Variants in ITGA9 observed in about 807,000 individuals in gnomAD.
The protein encoded by ITGA9 is integrin alpha-9.
In ITGA9, 56 loss-of-function variants were observed where a neutral mutation model predicts 127.8. The ratio of observed to expected loss-of-function variants is 0.44; its 90% CI spans 0.35 to 0.55. The LOEUF is 0.55. Among genes scored for constraint, ITGA9 ranks in the 20% least tolerant of loss-of-function variants. The pLI is 0.00. For synonymous variants in ITGA9, 508 were observed against 514.5 expected (o/e 0.99, Z 0.17); for missense variants, 1,196 against 1,347.1 (o/e 0.89, Z 1.76).
chr3:37,523,152 A>G (rs1378254160), intron 11 of ITGA9, among the ~76,000 whole-genome samples: 1 of 152,230 alleles, frequency 6.6e-6, no homozygotes, highest in Non-Finnish European at 1.5e-5. Context: ...ATGTTCTTAG[A>G]ATTTCAGCCA....
intron 8 of ITGA9, among the ~76,000 whole-genome samples, chr3:37,511,953 A>G (rs1348193866): frequency 9.1e-6 from 1 of 110,186 alleles, no homozygotes; most frequent in African/African-American, 2.8e-5. Flanking sequence ...TAAAAGAATA[A>G]TGCTTTTTCT....
chr3:37,668,947 A>G (rs1700611097), intron 17 of ITGA9, among the ~76,000 whole-genome samples: 1 of 151,978 alleles, frequency 6.6e-6, no homozygotes, highest in Non-Finnish European at 1.5e-5. Context: ...ACCTTGTAGA[A>G]AACCTCTAGA....
chr3:37,788,512 G>A (rs1034374276), intron 26 of ITGA9, among the ~76,000 whole-genome samples: 4 of 152,010 alleles, frequency 2.6e-5, no homozygotes, highest in African/African-American at 9.7e-5. Context: ...TTTAAGTAAG[G>A]TAGTATTATG....
intron 15 of ITGA9, among the ~76,000 whole-genome samples, chr3:37,590,310 C>T (rs1575159827): frequency 6.6e-6 from 1 of 152,258 alleles, no homozygotes; most frequent in Non-Finnish European, 1.5e-5. Flanking sequence ...CTTTATCCCG[C>T]TGAGCAGTGG....
intron 3 of ITGA9, among the ~76,000 whole-genome samples, chr3:37,478,208 C>T (rs1402988601): frequency 2.6e-5 from 4 of 152,178 alleles, no homozygotes; most frequent in Non-Finnish European, 5.9e-5. Context: ...CCCCACCACA[C>T]ACCATTCTTA....
At chr3:37,491,672 A>T (rs1312626758) in intron 4 of ITGA9, among the ~76,000 whole-genome samples, 1 of 151,850 alleles carries the variant, frequency 6.6e-6, no homozygotes, top group African/African-American at 2.4e-5. Flanking sequence ...CTCTGCGCCT[A>T]CCTCACTTCC....
chr3:37,595,454 G>A (rs1464655599), intron 15 of ITGA9, among the ~76,000 whole-genome samples: 1 of 152,214 alleles, frequency 6.6e-6, no homozygotes, highest in Non-Finnish European at 1.5e-5. Flanking sequence ...AACAGACTCT[G>A]AGTTGAGAAA....
intron 26 of ITGA9, among the ~76,000 whole-genome samples, chr3:37,792,150 G>T (rs1697119031): frequency 6.6e-6 from 1 of 152,130 alleles, no homozygotes; most frequent in Admixed American, 6.5e-5. Context: ...TGACCATCAA[G>T]AATTGAGAAA....
At chr3:37,716,083 C>T (rs1701132006) in intron 18 of ITGA9, among the ~76,000 whole-genome samples, 1 of 152,172 alleles carries the variant, frequency 6.6e-6, no homozygotes, top group African/African-American at 2.4e-5. Flanking sequence ...CTCACTGTCC[C>T]AATCAGGGAC....
chr3:37,797,903 T>G (rs1484235765), intron 26 of ITGA9, among the ~76,000 whole-genome samples: 2 of 152,060 alleles, frequency 1.3e-5, no homozygotes, highest in Non-Finnish European at 2.9e-5. Flanking sequence ...CAGGCTGGCT[T>G]GAGCTCCTGG....
chr3:37,611,787 A>C (rs1375417062), intron 15 of ITGA9, among the ~76,000 whole-genome samples: 2 of 151,604 alleles, frequency 1.3e-5, no homozygotes, highest in Non-Finnish European at 2.9e-5. Flanking sequence ...CTCAGGGCTC[A>C]TGAAGTGGCA....
At chr3:37,787,863 TG>T (rs1697060491) in intron 26 of ITGA9, among the ~76,000 whole-genome samples, 1 of 152,038 alleles carries the variant, frequency 6.6e-6, no homozygotes, top group African/African-American at 2.4e-5. Flanking sequence ...TGGTATCGAG[TG>T]GGGGAGGAAA....
intron 17 of ITGA9, among the ~76,000 whole-genome samples, chr3:37,671,765 A>G (rs1217688061): frequency 1.3e-5 from 2 of 152,176 alleles, no homozygotes; most frequent in South Asian, 2.1e-4. Flanking sequence ...GTTAATAACC[A>G]TATGGATCTG....
chr3:37,517,660 T>C (rs1441842818), intron 10 of ITGA9, 51 bp downstream of exon 10: 10 of 1,333,576 alleles, frequency 7.5e-6, no homozygotes, highest in African/African-American at 2.9e-5. Context: ...AGCACGCTGC[T>C]CTGTTTCAGA....
At chr3:37,680,378 A>C (rs1227739471) in intron 17 of ITGA9, among the ~76,000 whole-genome samples, 1 of 152,172 alleles carries the variant, frequency 6.6e-6, no homozygotes, top group Non-Finnish European at 1.5e-5. Flanking sequence ...CTCTAAAAAA[A>C]ATCTGAGTTC....
chr3:37,632,316 G>C (rs919479191), intron 16 of ITGA9, among the ~76,000 whole-genome samples: 2 of 152,138 alleles, frequency 1.3e-5, no homozygotes, highest in Non-Finnish European at 2.9e-5. Flanking sequence ...GGAATGAAAG[G>C]CAAGGGAAGT....
Position 37,820,542 on chromosome 3 carries a change from T to C in ITGA9, c.*1553T>C, listed in dbSNP as rs535447493. The stretch of plus-strand genomic sequence containing the variant: ...TCCAAGCTCTCTGTTTGACAGTAGA[T>C]ATATTGTCAGATGCACTGTGCTGCT... On this transcript the variant is annotated 3_prime_UTR_variant, in exon 28 of 28. Transcript: ENST00000264741. The C allele has an allele frequency of 6.6e-6, 1 of 152,396 alleles. No homozygotes were observed. Among genetic ancestry groups the C allele is most frequent in the South Asian group, 2.1e-4 (1 of 4,826 alleles). 9.4% of individuals were successfully genotyped at this position (152,396 alleles called of 1,614,324 possible).
Position 37,769,054 on chromosome 3 carries a change from A to G in ITGA9, c.2542-8338A>G, listed in dbSNP as rs557979616. 5.9e-5 allele frequency among the ~76,000 whole-genome samples: 9 copies of G among 152,208 alleles called. No homozygotes were observed. In the South Asian group the frequency reaches 1.9e-3, roughly 32 times the overall value. The stretch of plus-strand genomic sequence containing the variant: ...GCTTCTGCCTGTTAAAAATATACTA[A>G]TAGGCCAGGCGTGGTGGCTCACACC... On this transcript the variant is annotated intron_variant, in intron 23 of 27. Transcript: ENST00000264741.
intron 18 of ITGA9, among the ~76,000 whole-genome samples, chr3:37,701,030 C>T (rs1700940548): frequency 6.6e-6 from 1 of 152,230 alleles, no homozygotes; most frequent in Admixed American, 6.5e-5. Context: ...TGGAACTCAT[C>T]ACTGAGGAAC....
Sources: allele counts gnomAD v4.1 joint callset (sites outside exome capture counted in the v4.1 genomes callset), GRCh38; gene constraint gnomAD v4.1.1; transcripts MANE v1.5; gene names NCBI Gene and HGNC (gene_info 2026-07-23, HGNC 2026-07-21).